USP15: variants seen among roughly 807,000 people sequenced by gnomAD.
USP15 encodes ubiquitin specific peptidase 15.
USP15 carries 18 observed loss-of-function variants against 127.1 expected under a neutral mutation model. That is an observed-to-expected ratio of 0.14 (90% CI 0.10 to 0.21). USP15 has a LOEUF of 0.21. Ranked by LOEUF, USP15 falls within the 10% of genes least tolerant of loss-of-function variation. The pLI, the probability that USP15 is intolerant of heterozygous loss-of-function variation, is 1.00. For missense variants in USP15, 805 were observed against 1,159.9 expected, an observed-to-expected ratio of 0.69 and a Z score of 4.44; for synonymous variants, 364 against 393.7, an observed-to-expected ratio of 0.92 and a Z score of 0.89.
At chr12:62,282,479 AC>A (rs1565815311) in intron 1 of USP15, among the ~76,000 whole-genome samples, 1 of 152,194 alleles carries the variant, frequency 6.6e-6, no homozygotes, top group Non-Finnish European at 1.5e-5. Flanking sequence ...TACTGTACTT[AC>A]CCTTTTTGTA....
At chr12:62,261,642 A>T (rs2063062151) in intron 1 of USP15, among the ~76,000 whole-genome samples, 2 of 152,200 alleles carry the variant, frequency 1.3e-5, no homozygotes, top group Admixed American at 1.3e-4. Context: ...TAATTTTATT[A>T]TAAGGATTTT....
At chr12:62,347,333 A>AGT (rs931304333) in intron 6 of USP15, among the ~76,000 whole-genome samples, 1 of 150,090 alleles carries the variant, frequency 6.7e-6, no homozygotes, top group African/African-American at 2.5e-5. Flanking sequence ...AGACATACAC[A>AGT]GTGTGTGTGT....
At chr12:62,368,722 C>T (rs2066563464) in intron 8 of USP15, among the ~76,000 whole-genome samples, 1 of 152,106 alleles carries the variant, frequency 6.6e-6, no homozygotes, top group Non-Finnish European at 1.5e-5. Flanking sequence ...AGATGGGTCT[C>T]CTGAATACAG....
intron 9 of USP15, among the ~76,000 whole-genome samples, chr12:62,383,210 C>T (rs970474012): frequency 2.0e-5 from 3 of 151,872 alleles, no homozygotes; most frequent in African/African-American, 7.2e-5. Context: ...AACTACTGAA[C>T]CATTACTCCT....
At position 62,414,361 on chromosome 12, in the gene USP15, G is replaced by A. The variant is rs1269614149; in HGVS notation, c.*9986G>A. ...TGGTTTTTGTTTTGTTTTGTTTTGA[G>A]ACAAGGTCTTTCTCTGTCACCCAGG... is the stretch of plus-strand genomic sequence containing the variant. On this transcript the variant is annotated 3_prime_UTR_variant, in exon 22 of 22. Coordinates refer to ENST00000280377, the MANE Select transcript of USP15 (RefSeq NM_001252078.2). The A allele has an allele frequency of 6.6e-6, 1 of 152,198 alleles. No individual in the cohort carries two copies. Among genetic ancestry groups the A allele is most frequent in the African/African-American group, 2.4e-5 (1 of 41,434 alleles). The allele number at this position is 152,198 out of a possible 1,614,324, so 9.4% of individuals were successfully genotyped here. A position where few individuals can be genotyped will look rare whatever the true frequency, so the allele number is the denominator to read the frequency against.
At chr12:62,291,350 C>A (rs1291737761) in intron 1 of USP15, among the ~76,000 whole-genome samples, 1 of 152,062 alleles carries the variant, frequency 6.6e-6, no homozygotes, top group Non-Finnish European at 1.5e-5. Flanking sequence ...ATTGTTGAAG[C>A]TTTCATCTGT....
Position 62,410,003 on chromosome 12 carries a change from T to A in USP15, c.*5628T>A, listed in dbSNP as rs1431097821. On this transcript the variant is annotated 3_prime_UTR_variant, in exon 22 of 22. Coordinates refer to ENST00000280377, the MANE Select transcript of USP15 (RefSeq NM_001252078.2). Reference sequence around the variant, plus strand: ...GTTCATGATTAAGTATGCTAAGTTTTAAGTAATTTAGACTAATGTATTAAA... The same window carrying A: ...GTTCATGATTAAGTATGCTAAGTTTAAAGTAATTTAGACTAATGTATTAAA... The A allele has an allele frequency of 6.6e-6, 1 of 152,156 alleles. No homozygotes were observed. The allele number at this position is 152,156 out of a possible 1,614,324, so 9.4% of individuals were successfully genotyped here.
At chr12:62,327,076 GCTGAGAT>G (rs1565857860) in intron 6 of USP15, among the ~76,000 whole-genome samples, 2 of 152,096 alleles carry the variant, frequency 1.3e-5, no homozygotes, top group East Asian at 3.9e-4. Context: ...GTTGCAGTGA[GCTGAGAT>G]CGTGCTGCTG....
chr12:62,358,732 A>T (rs1418477187), intron 8 of USP15, among the ~76,000 whole-genome samples: 1 of 152,142 alleles, frequency 6.6e-6, no homozygotes, highest in Non-Finnish European at 1.5e-5. Context: ...TAAATAAATA[A>T]ATGACAATTT....
intron 8 of USP15, among the ~76,000 whole-genome samples, chr12:62,361,173 A>G (rs939875282): frequency 1.3e-5 from 2 of 152,060 alleles, no homozygotes; most frequent in African/African-American, 2.4e-5. Flanking sequence ...AGTGTTCACA[A>G]CTAGGGGAAA....
chr12:62,278,100 A>G (rs1026679587), intron 1 of USP15, among the ~76,000 whole-genome samples: 1 of 152,176 alleles, frequency 6.6e-6, no homozygotes, highest in African/African-American at 2.4e-5. Flanking sequence ...CTAATTAAAA[A>G]GTTTTTTTGC....
chr12:62,332,343 T>C (rs1054070700), intron 6 of USP15, among the ~76,000 whole-genome samples: 3 of 152,146 alleles, frequency 2.0e-5, no homozygotes, highest in Non-Finnish European at 1.5e-5. Flanking sequence ...AAAAACATGA[T>C]CTTTTCTAAT....
chr12:62,396,329 A>G lies in USP15; in HGVS notation c.2605A>G (p.Asn869Asp). Reference sequence around the variant, plus strand: ...TATGTCGGAATTCTTAATTAATCCAAATGCAGGTCCTTGCCGCTATAATCT... The same window carrying G: ...TATGTCGGAATTCTTAATTAATCCAGATGCAGGTCCTTGCCGCTATAATCT... ...LDMSEFLINP[N>D]AGPCRYNLIA... The change falls in exon 20 of 22, where the codon AAT (asparagine) becomes GAT (aspartate). Residue 869 changes from asparagine (N) to aspartate (D), a missense_variant. Transcript: ENST00000280377. 1 of 1,590,724 alleles carries G rather than the reference A, an allele frequency of 6.3e-7. No homozygotes were observed.
chr12:62,321,757 G>C, intron 5 of USP15, 148 bp downstream of exon 5: 1 of 547,112 alleles, frequency 1.8e-6, no homozygotes, highest in Non-Finnish European at 2.8e-6. Context: ...GCTGGTTACT[G>C]ACTCTGACTT....
Position 62,260,439 on chromosome 12 carries a change from C to G in USP15, c.25C>G (p.Leu9Val). The G allele has an allele frequency of 6.4e-7, 1 of 1,551,848 alleles. No individual in the cohort carries two copies. Reference sequence around the variant, plus strand: ...GATGGCGGAAGGCGGAGCGGCGGATCTGGACACCCAGCGGTCTGACATCGC... The same window carrying G: ...GATGGCGGAAGGCGGAGCGGCGGATGTGGACACCCAGCGGTCTGACATCGC... MAEGGAAD[L>V]DTQRSDIATL... The change falls in exon 1 of 22, where the codon CTG (leucine) becomes GTG (valine). Residue 9 changes from leucine (L) to valine (V), a missense_variant. Around this residue, in one of 11 missense-constraint regions of USP15, gnomAD observed 45 missense variants for 37.8 expected, o/e 1.19. Transcript: ENST00000280377.
chr12:62,277,916 ATTAACT>A (rs1039183253), intron 1 of USP15, among the ~76,000 whole-genome samples: 13 of 152,168 alleles, frequency 8.5e-5, no homozygotes, highest in African/African-American at 2.4e-4. Flanking sequence ...CAATAATAAA[ATTAACT>A]TTAGCTTACT....
chr12:62,315,953 T>C (rs1053735129), intron 4 of USP15, among the ~76,000 whole-genome samples: 2 of 152,194 alleles, frequency 1.3e-5, no homozygotes, highest in African/African-American at 4.8e-5. Flanking sequence ...CCTCTTCATT[T>C]AGCTAGAACA....
chr12:62,273,439 T>C (rs943244980), intron 1 of USP15, among the ~76,000 whole-genome samples: 4 of 152,120 alleles, frequency 2.6e-5, no homozygotes, highest in Admixed American at 2.0e-4. Flanking sequence ...TTTGAATGAA[T>C]GAATTCCCAT....
chr12:62,307,822 C>T (rs74570096), intron 3 of USP15, among the ~76,000 whole-genome samples: 4,043 of 152,094 alleles, frequency 0.027, 94 homozygotes, highest in Middle Eastern at 0.051. Context: ...CATAATGCAG[C>T]GTTACAATGT....
Sources: gnomAD v4.1 joint callset for allele counts (sites outside exome capture counted in the v4.1 genomes callset) on GRCh38, gnomAD v4.1.1 for gene constraint, gnomAD v4.1.1 regional missense constraint, MANE v1.5 for transcripts, NCBI Gene and HGNC (gene_info 2026-07-23, HGNC 2026-07-21) for gene names.